Variants in PRDM16 observed in about 807,000 individuals in gnomAD.
PRDM16 encodes PR/SET domain 16, also known as histone-lysine N-methyltransferase PRDM16.
PRDM16 carries 23 observed loss-of-function variants against 110.6 expected under a neutral mutation model. The observed-to-expected ratio is 0.21, with a 90% CI of 0.15 to 0.29. The LOEUF (loss-of-function observed/expected upper bound fraction) is 0.29, where lower values mean the gene tolerates loss of function less well. PRDM16 is among the 10% of genes least tolerant of loss of function. PRDM16 has a pLI of 1.00. For missense variants in PRDM16, 1,615 were observed against 1,794.3 expected (o/e 0.90, Z 1.81); for synonymous variants, 799 against 781.8 (o/e 1.02, Z -0.37).
rs947433757 is a variant in PRDM16, at chr1:3,143,210, C to T, written c.38-42915C>T. Reference sequence around the variant, plus strand: ...GCAGCCCCTCGGGGGCCGAGTGTTCCGGGCTCTGATTTTTGCTGGCTGAGA... The same window carrying T: ...GCAGCCCCTCGGGGGCCGAGTGTTCTGGGCTCTGATTTTTGCTGGCTGAGA... On this transcript the variant is annotated intron_variant, in intron 1 of 16. Coordinates refer to ENST00000270722, the MANE Select transcript of PRDM16 (RefSeq NM_022114.4). This position sits in a 1 kb window ranked among gnomAD's most constrained non-coding sequence, Gnocchi z 4.5. 2.0e-5 allele frequency among the ~76,000 whole-genome samples: 3 copies of T among 152,100 alleles called. No individual in the cohort carries two copies. The highest frequency in any genetic ancestry group is 2.9e-5 in the Non-Finnish European group (2 of 68,026).
At chr1:3,112,238 G>A (rs1288607834) in intron 1 of PRDM16, among the ~76,000 whole-genome samples, 2 of 152,178 alleles carry the variant, frequency 1.3e-5, no homozygotes, top group South Asian at 2.1e-4. Flanking sequence ...GAGGAGCCTC[G>A]GCGTTTCACC....
rs1311365733 is a variant in PRDM16 at position 3,412,818 on chromosome 1, C to T, written c.2603+18C>T. On this transcript the variant is annotated intron_variant, in intron 9 of 16. Coordinates refer to ENST00000270722, the MANE Select transcript of PRDM16 (RefSeq NM_022114.4). Reference sequence around the variant, plus strand: ...ATCTACAGGTATTCAGCACCCCAGCCTCACTGGCTCTCCCTGGGGCGGGGC... The same window carrying T: ...ATCTACAGGTATTCAGCACCCCAGCTTCACTGGCTCTCCCTGGGGCGGGGC... The T allele has an allele frequency of 3.5e-6, 5 of 1,436,590 alleles. No homozygotes were observed. Among genetic ancestry groups the T allele is most frequent in the Non-Finnish European group, 4.6e-6 (5 of 1,094,910 alleles). The allele number at this position is 1,436,590 out of a possible 1,614,324, so 89.0% of individuals were successfully genotyped here. A position where few individuals can be genotyped will look rare whatever the true frequency, so the allele number is the denominator to read the frequency against.
intron 1 of PRDM16, among the ~76,000 whole-genome samples, chr1:3,114,761 G>A (rs935770158): frequency 6.6e-6 from 1 of 152,250 alleles, no homozygotes; most frequent in Non-Finnish European, 1.5e-5. Context: ...CCCTGACGGG[G>A]AGCTCCTGCG....
intron 3 of PRDM16, among the ~76,000 whole-genome samples, chr1:3,322,187 GT>G (rs1231932917): frequency 6.6e-6 from 1 of 151,274 alleles, no homozygotes; most frequent in Non-Finnish European, 1.5e-5. Context: ...CACTGTGTGT[GT>G]GAGAGTGGGT....
At chr1:3,180,366 C>A (rs528287730) in intron 1 of PRDM16, among the ~76,000 whole-genome samples, 5 of 152,080 alleles carry the variant, frequency 3.3e-5, no homozygotes, top group African/African-American at 1.2e-4. Context: ...GGTGTTCTTT[C>A]CACTGAAATG....
At chr1:3,408,982 T>C (rs937741494) in intron 8 of PRDM16, among the ~76,000 whole-genome samples, 1 of 147,756 alleles carries the variant, frequency 6.8e-6, no homozygotes, top group African/African-American at 2.5e-5. Context: ...TTGGCACGTG[T>C]GAGAGCATGT....
At chr1:3,319,682 T>C (rs989738901) in intron 3 of PRDM16, among the ~76,000 whole-genome samples, 8 of 152,108 alleles carry the variant, frequency 5.3e-5, no homozygotes, top group Non-Finnish European at 1.0e-4. Flanking sequence ...AATCGAAGCC[T>C]AGGGGTCCAC....
chr1:3,168,923 CT>C (rs1379292423), intron 1 of PRDM16, among the ~76,000 whole-genome samples: 1 of 152,220 alleles, frequency 6.6e-6, no homozygotes, highest in Non-Finnish European at 1.5e-5. Context: ...CCCACACCCC[CT>C]CCCACCTGAG....
At chr1:3,400,117 C>A (rs186147883) in intron 5 of PRDM16, among the ~76,000 whole-genome samples, 189 of 152,344 alleles carry the variant, frequency 1.2e-3, no homozygotes, top group African/African-American at 4.3e-3. Context: ...GAAATTGGGG[C>A]CCTGCCAGCC....
At chr1:3,272,432 G>A (rs1228969344) in intron 3 of PRDM16, among the ~76,000 whole-genome samples, 1 of 152,134 alleles carries the variant, frequency 6.6e-6, no homozygotes, top group African/African-American at 2.4e-5. Flanking sequence ...ACAGGCACGC[G>A]CTGGACTCTG....
At position 3,210,382 on chromosome 1, in the gene PRDM16, A is replaced by T. The variant is rs79197451; in HGVS notation, c.387+23908A>T. On this transcript the variant is annotated intron_variant, in intron 2 of 16. Transcript: ENST00000270722. ...AGGCCCTGGAAGGCTTTCCCCCCTCAGATTCAGGAAGGAGCCGCACAGGCT... is the reference window on the plus strand; with the variant it reads ...AGGCCCTGGAAGGCTTTCCCCCCTCTGATTCAGGAAGGAGCCGCACAGGCT... 9.2e-3 allele frequency among the ~76,000 whole-genome samples: 1,408 copies of T among 152,336 alleles called. 29 individuals are homozygous for T. The highest frequency in any genetic ancestry group is 0.032 in the African/African-American group (1,317 of 41,582).
At chr1:3,268,540 G>A (rs1244722001) in intron 3 of PRDM16, among the ~76,000 whole-genome samples, 1 of 152,174 alleles carries the variant, frequency 6.6e-6, no homozygotes, top group East Asian at 1.9e-4. Context: ...CAGCCTGGCA[G>A]GCCCTGGCAA....
At chr1:3,422,244 CAAG>C (rs1321145412) in intron 12 of PRDM16, among the ~76,000 whole-genome samples, 2 of 148,510 alleles carry the variant, frequency 1.3e-5, no homozygotes, top group Non-Finnish European at 3.0e-5. Flanking sequence ...GGCAGACAGG[CAAG>C]AAGGCAGACA....
chr1:3,339,777 C>A lies in PRDM16; in HGVS notation c.439-45375C>A, dbSNP rs568744483. ...CTCCCCCCTCACCTGCCTCACCATT[C>A]CCTTCCCCAGCTGCTGGAATCCTCA... On this transcript the variant is annotated intron_variant, in intron 3 of 16. Coordinates refer to ENST00000270722, the MANE Select transcript of PRDM16 (RefSeq NM_022114.4). The surrounding 1 kb of genome is among the most constrained non-coding windows in gnomAD (Gnocchi z 5.0). Among the ~76,000 whole-genome samples, 11 of 152,330 alleles carry A rather than the reference C, an allele frequency of 7.2e-5. No individual in the cohort carries two copies. In the East Asian group the frequency reaches 2.1e-3, roughly 29 times the overall value.
intron 2 of PRDM16, among the ~76,000 whole-genome samples, chr1:3,220,829 T>C (rs908677828): frequency 5.9e-5 from 9 of 152,150 alleles, no homozygotes; most frequent in African/African-American, 2.2e-4. Context: ...ATGGGGAAGC[T>C]CCTCGCCTTG....
intron 1 of PRDM16, among the ~76,000 whole-genome samples, chr1:3,107,670 G>C (rs561762946): frequency 1.3e-5 from 2 of 152,300 alleles, no homozygotes; most frequent in Non-Finnish European, 2.9e-5. Flanking sequence ...ATGGATTTCT[G>C]TTCCCTTTTG....
chr1:3,414,622 C>T lies in PRDM16; in HGVS notation c.2666C>T (p.Pro889Leu), dbSNP rs201814961. Residue 889 changes from proline to leucine, a missense_variant, in exon 10 of 17, where the codon CCG (proline) becomes CTG (leucine). By Grantham distance (98) the Pro-to-Leu change is moderately conservative. This residue lies in a region of PRDM16 where 772 missense variants were observed against 748.3 expected (regional missense o/e 1.03). Transcript: ENST00000270722. ...VGALKEKYLR[P>L]SPLLFHPQMS... Reference sequence around the variant, plus strand: ...GCCCTGAAGGAGAAGTACCTGCGGCCGTCCCCGCTGCTCTTCCACCCCCAG... The same window carrying T: ...GCCCTGAAGGAGAAGTACCTGCGGCTGTCCCCGCTGCTCTTCCACCCCCAG... The T allele has an allele frequency of 3.3e-4, 529 of 1,613,262 alleles. 2 individuals are homozygous for T. The highest frequency in any genetic ancestry group is 4.1e-4 in the Non-Finnish European group (489 of 1,179,800).
chr1:3,226,405 G>A lies in PRDM16; in HGVS notation c.388-17682G>A, dbSNP rs541824064. Among the ~76,000 whole-genome samples, 568 of 152,260 alleles carry A rather than the reference G, an allele frequency of 3.7e-3. 8 individuals carry two copies. Among genetic ancestry groups the A allele is most frequent in the East Asian group, 1.2e-3 (6 of 5,178 alleles). On this transcript the variant is annotated intron_variant, in intron 2 of 16. Coordinates refer to ENST00000270722, the MANE Select transcript of PRDM16 (RefSeq NM_022114.4). ...CGCCTGGCACCCCGGATCCCTCCAC[G>A]GCTTCCCCCTTATCTAGAGCATCTG...
At chr1:3,388,020 C>T (rs1304650482) in intron 4 of PRDM16, among the ~76,000 whole-genome samples, 1 of 152,266 alleles carries the variant, frequency 6.6e-6, no homozygotes, top group African/African-American at 2.4e-5. Flanking sequence ...ACCACGGGAA[C>T]GTGGGTTCCT....
Sources: allele counts gnomAD v4.1 joint callset (sites outside exome capture counted in the v4.1 genomes callset), GRCh38; gene constraint gnomAD v4.1.1; regional missense constraint gnomAD v4.1.1; non-coding constraint Gnocchi (gnomAD v3.1); transcripts MANE v1.5; gene names NCBI Gene and HGNC (gene_info 2026-07-23, HGNC 2026-07-21).